CIT: variants seen among roughly 807,000 people sequenced by gnomAD.
The protein encoded by CIT is citron Rho-interacting kinase.
CIT carries 79 observed loss-of-function variants against 272.7 expected under a neutral mutation model. The ratio of observed to expected loss-of-function variants is 0.29; its 90% CI spans 0.24 to 0.35. The LOEUF is 0.35. CIT is among the 10% of genes least tolerant of loss of function. The probability of loss-of-function intolerance (pLI) is 1.00; values close to 1 mark genes in which losing one functional copy is unlikely to be tolerated. For missense variants in CIT, 1,909 were observed against 2,618.3 expected (o/e 0.73, Z 5.91); for synonymous variants, 948 against 995.6 (o/e 0.95, Z 0.90).
chr12:119,804,892 C>T lies in CIT; in HGVS notation c.1112-1503G>A, dbSNP rs1449498881. ...ACTACCAGAAAATTATTTAACACCT[C>T]CAGTCTCTCAAGAGAATTTAAATCT... On this transcript the variant is annotated intron_variant, in intron 9 of 47. Transcript: ENST00000392521. This position sits in a 1 kb window ranked among gnomAD's most constrained non-coding sequence, Gnocchi z 5.3. 6.6e-6 allele frequency among the ~76,000 whole-genome samples: 1 copy of T among 152,168 alleles called. No individual in the cohort carries two copies.
chr12:119,708,571 T>C (rs1008809157), intron 39 of CIT, among the ~76,000 whole-genome samples: 1 of 152,096 alleles, frequency 6.6e-6, no homozygotes, highest in African/African-American at 2.4e-5. Flanking sequence ...CTAAAACCTC[T>C]GCCTCCTGGG....
At chr12:119,711,015 A>C in intron 37 of CIT, 1 of 1,367,552 alleles carries the variant, frequency 7.3e-7, no homozygotes, top group Non-Finnish European at 9.8e-7. Flanking sequence ...GCGCCGTGTT[A>C]GCAGCGAGCC....
intron 2 of CIT, among the ~76,000 whole-genome samples, chr12:119,870,935 G>A (rs540228523): frequency 2.7e-4 from 41 of 152,072 alleles, no homozygotes; most frequent in African/African-American, 8.2e-4. Context: ...CCTGACCAAC[G>A]TGGTGAAACC....
chr12:119,762,141 G>C (rs1961883433), intron 19 of CIT, among the ~76,000 whole-genome samples: 1 of 152,124 alleles, frequency 6.6e-6, no homozygotes, highest in Non-Finnish European at 1.5e-5. Context: ...CAGCTCATGG[G>C]GACGACGTCC....
intron 16 of CIT, among the ~76,000 whole-genome samples, chr12:119,774,502 A>G (rs2137618117): frequency 6.6e-6 from 1 of 152,328 alleles, no homozygotes; most frequent in Non-Finnish European, 1.5e-5. Context: ...AAATATAAGA[A>G]GAATGTGAGG....
chr12:119,790,472 G>A (rs780672460), intron 10 of CIT, among the ~76,000 whole-genome samples: 1 of 152,130 alleles, frequency 6.6e-6, no homozygotes, highest in African/African-American at 2.4e-5. Flanking sequence ...ATGGGACAGA[G>A]TCTATCTGTT....
intron 15 of CIT, 24 bp downstream of exon 15, chr12:119,776,334 C>T: frequency 6.2e-7 from 1 of 1,604,194 alleles, no homozygotes; most frequent in Non-Finnish European, 8.5e-7. Context: ...ATATTAATAG[C>T]AAAACCAATC....
rs1035587623 is a variant in CIT, at chr12:119,710,053, C to T, written c.5071+198G>A. 3.3e-5 allele frequency among the ~76,000 whole-genome samples: 5 copies of T among 152,076 alleles called. No homozygotes were observed. The highest frequency in any genetic ancestry group is 4.1e-4 in the South Asian group (2 of 4,826). ...TGTTCTTTGGGAATGTCAGACTGTG[C>T]TAAACTGGATACTGGAAGGGAACTG... On this transcript the variant is annotated intron_variant, in intron 39 of 47. Coordinates refer to ENST00000392521, the MANE Select transcript of CIT (RefSeq NM_001206999.2). This position sits in a 1 kb window ranked among gnomAD's most constrained non-coding sequence, Gnocchi z 5.6.
intron 3 of CIT, among the ~76,000 whole-genome samples, chr12:119,867,105 T>A (rs1270522196): frequency 6.6e-6 from 1 of 152,044 alleles, no homozygotes; most frequent in Non-Finnish European, 1.5e-5. Context: ...GAGCCCCAGG[T>A]GACTGCAATC....
Position 119,707,832 on chromosome 12 carries a change from T to C in CIT, c.5211+347A>G, listed in dbSNP as rs545261999. Among the ~76,000 whole-genome samples, 9 of 152,378 alleles carry C rather than the reference T, an allele frequency of 5.9e-5. No individual in the cohort carries two copies. In the East Asian group the frequency reaches 1.7e-3, roughly 29 times the overall value. On this transcript the variant is annotated intron_variant, in intron 40 of 47. Transcript: ENST00000392521. ...TGCAATCTTACACAAAAAATACTTC[T>C]GCAAGGACATCCGCCCAGTGACTAT...
At chr12:119,812,270 T>C (rs560395827) in intron 9 of CIT, among the ~76,000 whole-genome samples, 3 of 152,094 alleles carry the variant, frequency 2.0e-5, no homozygotes, top group African/African-American at 7.2e-5. Flanking sequence ...ATTTAAGTAA[T>C]AGCAAAGGAG....
Position 119,712,045 on chromosome 12 carries a change from T to A in CIT, c.4854+133A>T. 1 of 848,922 alleles carries A rather than the reference T, an allele frequency of 1.2e-6. No individual in the cohort carries two copies. Among genetic ancestry groups the A allele is most frequent in the East Asian group, 2.5e-5 (1 of 39,722 alleles). The allele number at this position is 848,922 out of a possible 1,614,324, so 52.6% of individuals were successfully genotyped here. On this transcript the variant is annotated intron_variant, in intron 37 of 47. Coordinates refer to ENST00000392521, the MANE Select transcript of CIT (RefSeq NM_001206999.2). The surrounding 1 kb of genome is among the most constrained non-coding windows in gnomAD (Gnocchi z 5.2). ...CACCAGACTCCTGGCCATGACACAGTCTAGAGCCATCAGCCCTCAGAGAGA... is the reference window on the plus strand; with the variant it reads ...CACCAGACTCCTGGCCATGACACAGACTAGAGCCATCAGCCCTCAGAGAGA...
Position 119,804,393 on chromosome 12 carries a change from G to C in CIT, c.1112-1004C>G, listed in dbSNP as rs1399593896. The C allele has an allele frequency of 5.1e-6, 5 of 985,570 alleles. No homozygotes were observed. Among genetic ancestry groups the C allele is most frequent in the Non-Finnish European group, 6.0e-6 (5 of 830,060 alleles). 61.1% of individuals were successfully genotyped at this position (985,570 alleles called of 1,614,324 possible). ...GTTAGAGCCGAGCATCACATCCCCC[G>C]CAGTGCAGGCTGCATGCTCCCGGCT... On this transcript the variant is annotated intron_variant, in intron 9 of 47. Transcript: ENST00000392521. The surrounding 1 kb of genome is among the most constrained non-coding windows in gnomAD (Gnocchi z 5.3).
At chr12:119,808,156 A>G (rs947380598) in intron 9 of CIT, among the ~76,000 whole-genome samples, 1 of 152,088 alleles carries the variant, frequency 6.6e-6, no homozygotes, top group Non-Finnish European at 1.5e-5. Context: ...TTTTAATCCT[A>G]ACATTCATTA....
intron 2 of CIT, among the ~76,000 whole-genome samples, chr12:119,871,398 CT>C (rs1164996895): frequency 6.6e-6 from 1 of 152,222 alleles, no homozygotes. Flanking sequence ...TTACACAGCA[CT>C]TGATAACAGA....
chr12:119,692,921 G>A (rs970382420), intron 46 of CIT, among the ~76,000 whole-genome samples: 1 of 152,076 alleles, frequency 6.6e-6, no homozygotes, highest in African/African-American at 2.4e-5. Context: ...TTGAAATCAA[G>A]GTTTATATTC....
At chr12:119,823,372 CT>C (rs533125460) in intron 8 of CIT, among the ~76,000 whole-genome samples, 108 of 152,284 alleles carry the variant, frequency 7.1e-4, no homozygotes, top group African/African-American at 2.5e-3. Flanking sequence ...CCTCTGCACT[CT>C]ACTTTTGCAC....
At chr12:119,844,685 A>G (rs1047886716) in intron 5 of CIT, among the ~76,000 whole-genome samples, 1 of 152,256 alleles carries the variant, frequency 6.6e-6, no homozygotes, top group Non-Finnish European at 1.5e-5. Context: ...ACTTGAGAAG[A>G]AAATGGAGAC....
intron 9 of CIT, among the ~76,000 whole-genome samples, chr12:119,805,755 T>C (rs879633162): frequency 6.6e-6 from 1 of 152,172 alleles, no homozygotes; most frequent in African/African-American, 2.4e-5. Flanking sequence ...TAAAATAAGA[T>C]TCATCTATAA....
Sources: allele counts gnomAD v4.1 joint callset (sites outside exome capture counted in the v4.1 genomes callset), GRCh38; gene constraint gnomAD v4.1.1; non-coding constraint Gnocchi (gnomAD v3.1); transcripts MANE v1.5; gene names NCBI Gene and HGNC (gene_info 2026-07-23, HGNC 2026-07-21).